Variants in MACROD2 observed in about 807,000 individuals in gnomAD.
The protein encoded by MACROD2 is mono-ADP ribosylhydrolase 2, also known as ADP-ribose glycohydrolase MACROD2.
Under a neutral mutation model 70.4 loss-of-function variants are expected in MACROD2, and 36 were observed. The ratio of observed to expected loss-of-function variants is 0.51; its 90% CI spans 0.39 to 0.68. The LOEUF is 0.68. MACROD2 is among the 30% of genes least tolerant of loss of function. The pLI is 0.00. For synonymous variants in MACROD2, 172 were observed against 178.8 expected, an observed-to-expected ratio of 0.96 and a Z score of 0.30; for missense variants, 496 against 538.4, an observed-to-expected ratio of 0.92 and a Z score of 0.78.
chr20:14,401,871 A>C (rs2083641438), intron 3 of MACROD2, among the ~76,000 whole-genome samples: 1 of 152,052 alleles, frequency 6.6e-6, no homozygotes, highest in Admixed American at 6.6e-5. Flanking sequence ...CTGATCTTGT[A>C]TGGGAGAGGG....
At chr20:14,407,608 G>T (rs745991589) in intron 3 of MACROD2, among the ~76,000 whole-genome samples, 18 of 152,048 alleles carry the variant, frequency 1.2e-4, no homozygotes, top group Non-Finnish European at 1.3e-4. Context: ...TGTTAAGGAC[G>T]CTCTCAAAAT....
At chr20:14,762,790 T>A (rs2072033840) in intron 5 of MACROD2, among the ~76,000 whole-genome samples, 1 of 151,838 alleles carries the variant, frequency 6.6e-6, no homozygotes, top group East Asian at 1.9e-4. Flanking sequence ...ATTAGCCAGA[T>A]GTGGCTGTGG....
intron 2 of MACROD2, among the ~76,000 whole-genome samples, chr20:14,017,457 C>A (rs949827148): frequency 6.6e-6 from 1 of 152,048 alleles, no homozygotes; most frequent in Admixed American, 6.5e-5. Flanking sequence ...ATTGTGTTAC[C>A]TGTGGATTTT....
intron 5 of MACROD2, among the ~76,000 whole-genome samples, chr20:14,846,544 G>A (rs2073142979): frequency 6.6e-6 from 1 of 150,760 alleles, no homozygotes; most frequent in African/African-American, 2.4e-5. Context: ...TTGAGACGGA[G>A]TCTCCCTCTC....
chr20:15,654,023 C>T (rs1210287667), intron 8 of MACROD2, among the ~76,000 whole-genome samples: 1 of 148,194 alleles, frequency 6.7e-6, no homozygotes, highest in Non-Finnish European at 1.5e-5. Flanking sequence ...GGATAAGCAT[C>T]CCATTCCAGC....
chr20:14,169,952 G>A (rs1263406802), intron 3 of MACROD2, among the ~76,000 whole-genome samples: 1 of 151,884 alleles, frequency 6.6e-6, no homozygotes, highest in Non-Finnish European at 1.5e-5. Context: ...GGAGTGCTGT[G>A]GTGCAATCAC....
intron 8 of MACROD2, among the ~76,000 whole-genome samples, chr20:15,526,246 G>C (rs1399158677): frequency 6.6e-6 from 1 of 152,044 alleles, no homozygotes; most frequent in Non-Finnish European, 1.5e-5. Context: ...TCATTCCCTT[G>C]CTGTAAGTTA....
chr20:14,440,407 G>A (rs191921040), intron 3 of MACROD2, among the ~76,000 whole-genome samples: 8 of 151,578 alleles, frequency 5.3e-5, no homozygotes, highest in East Asian at 1.9e-4. Flanking sequence ...TATTTTATGC[G>A]TGGCCCAAGA....
At chr20:14,501,829 C>T (rs1411219421) in intron 4 of MACROD2, among the ~76,000 whole-genome samples, 1 of 152,090 alleles carries the variant, frequency 6.6e-6, no homozygotes, top group Non-Finnish European at 1.5e-5. Flanking sequence ...CTGTGTTGGG[C>T]TAGCTAAATG....
intron 8 of MACROD2, among the ~76,000 whole-genome samples, chr20:15,567,528 C>T (rs2037219813): frequency 6.6e-6 from 1 of 152,192 alleles, no homozygotes; most frequent in African/African-American, 2.4e-5. Context: ...AAATCAGGAA[C>T]CTTGTTCATG....
At chr20:14,271,810 G>A (rs933554755) in intron 3 of MACROD2, among the ~76,000 whole-genome samples, 8 of 152,308 alleles carry the variant, frequency 5.3e-5, no homozygotes, top group African/African-American at 1.9e-4. Flanking sequence ...GGAGCTGATG[G>A]AGCTGAAAAC....
chr20:15,774,522 G>A (rs1216738371), intron 8 of MACROD2, among the ~76,000 whole-genome samples: 1 of 152,054 alleles, frequency 6.6e-6, no homozygotes, highest in African/African-American at 2.4e-5. Context: ...ATTCCCCAAG[G>A]AGCTGGTAAA....
rs762407412 is a variant in MACROD2 at position 14,326,928 on chromosome 20, T to C, written c.272-166551T>C. The C allele has an allele frequency of 6.2e-7, 1 of 1,613,646 alleles. No homozygotes were observed. The highest frequency in any genetic ancestry group is 1.3e-5 in the African/African-American group (1 of 74,900). Reference sequence around the variant, plus strand: ...TTAGACTAGTGAGACCTTGAAGAGATGGTGATGAAATAGTGGATATGCGAT... The same window carrying C: ...TTAGACTAGTGAGACCTTGAAGAGACGGTGATGAAATAGTGGATATGCGAT... On this transcript the variant is annotated intron_variant, in intron 3 of 17. Transcript: ENST00000684519. This position sits in a 1 kb window ranked among gnomAD's most constrained non-coding sequence, Gnocchi z 5.5.
At chr20:15,858,260 C>T (rs2064380180) in intron 8 of MACROD2, among the ~76,000 whole-genome samples, 1 of 148,140 alleles carries the variant, frequency 6.8e-6, no homozygotes. Flanking sequence ...CACTATTTCA[C>T]AAAATTATTT....
chr20:14,916,758 G>A (rs1008245270), intron 5 of MACROD2, among the ~76,000 whole-genome samples: 2 of 152,066 alleles, frequency 1.3e-5, no homozygotes, highest in Non-Finnish European at 2.9e-5. Flanking sequence ...AGGAGGAAGC[G>A]ATTTAGAAGG....
intron 4 of MACROD2, among the ~76,000 whole-genome samples, chr20:14,501,470 A>AT (rs567759521): frequency 0.016 from 2,275 of 143,300 alleles, 28 homozygotes; most frequent in Non-Finnish European, 0.024. Flanking sequence ...ATACGTTTCT[A>AT]TTTTTTTTTT....
intron 8 of MACROD2, among the ~76,000 whole-genome samples, chr20:15,825,099 C>T (rs1434708763): frequency 2.6e-5 from 4 of 152,096 alleles, no homozygotes; most frequent in African/African-American, 9.7e-5. Context: ...CAGGCCAAAG[C>T]ACAATGAGAA....
chr20:14,459,048 T>C (rs1458513936), intron 3 of MACROD2, among the ~76,000 whole-genome samples: 1 of 152,024 alleles, frequency 6.6e-6, no homozygotes, highest in African/African-American at 2.4e-5. Context: ...TCCCCAATAC[T>C]CACTTTAATA....
chr20:15,669,898 G>A (rs143613425), intron 8 of MACROD2, among the ~76,000 whole-genome samples: 198 of 152,270 alleles, frequency 1.3e-3, no homozygotes, highest in Middle Eastern at 6.8e-3. Flanking sequence ...TTATAAACAC[G>A]TATTGAGCAC....
Sources: gnomAD v4.1 joint callset for allele counts (sites outside exome capture counted in the v4.1 genomes callset) on GRCh38, gnomAD v4.1.1 for gene constraint, Gnocchi (gnomAD v3.1) non-coding constraint, MANE v1.5 for transcripts, NCBI Gene and HGNC (gene_info 2026-07-23, HGNC 2026-07-21) for gene names.